Variants in COG4 observed in about 807,000 individuals in gnomAD.
COG4 encodes the protein component of oligomeric golgi complex 4, also known as conserved oligomeric Golgi complex subunit 4.
A neutral mutation model predicts 95.1 loss-of-function variants in COG4; 65 were observed. That is an observed-to-expected ratio of 0.68 (90% CI 0.56 to 0.84). The LOEUF is 0.84. Among genes scored for constraint, COG4 ranks in the 40% least tolerant of loss-of-function variants. The pLI is 0.00. For missense variants in COG4, 1,045 were observed against 989.1 expected, an observed-to-expected ratio of 1.06 and a Z score of -0.76; for synonymous variants, 421 against 374.8, an observed-to-expected ratio of 1.12 and a Z score of -1.42.
chr16:70,481,452 C>T lies in COG4; in HGVS notation c.2142G>A (p.Ser714=), dbSNP rs11054. 721,462 of 1,612,166 alleles carry T rather than the reference C, an allele frequency of 0.45. 164,909 individuals carry two copies. Among genetic ancestry groups the T allele is most frequent in the African/African-American group, 0.51 (38,346 of 74,856 alleles). The change falls in exon 18 of 19, where the codon TCG becomes TCA. Residue 714 remains serine (S), a synonymous_variant. Transcript: ENST00000323786. ...GGLQFDKELR[S]LIAYLTTVTT... is the part of the protein sequence containing the mutation. Reference sequence around the variant, plus strand: ...TCACCGTGGTAAGGTAGGCAATGAGCGACCTCAGCTCCTTGTCAAACTGCA... The same window carrying T: ...TCACCGTGGTAAGGTAGGCAATGAGTGACCTCAGCTCCTTGTCAAACTGCA...
At chr16:70,486,187 G>A (rs569457727) in intron 13 of COG4, among the ~76,000 whole-genome samples, 38 of 152,256 alleles carry the variant, frequency 2.5e-4, no homozygotes, top group South Asian at 1.2e-3. Flanking sequence ...GAGCCACCGC[G>A]CCCAGCCCAG....
At chr16:70,505,519 CA>C (rs2049545743) in intron 8 of COG4, among the ~76,000 whole-genome samples, 1 of 150,088 alleles carries the variant, frequency 6.7e-6, no homozygotes, top group African/African-American at 2.4e-5. Context: ...TTCTAAGAAG[CA>C]CATGTTATTT....
chr16:70,502,103 G>A (rs1374107365), intron 8 of COG4, among the ~76,000 whole-genome samples: 4 of 150,174 alleles, frequency 2.7e-5, no homozygotes, highest in East Asian at 2.0e-4. Flanking sequence ...CCAACATGGT[G>A]AAACCCCATT....
At chr16:70,515,946 G>A in intron 3 of COG4, 3 of 455,022 alleles carry the variant, frequency 6.6e-6, no homozygotes, top group South Asian at 4.7e-5. Flanking sequence ...TAGGATTGCA[G>A]GCATGAGCCA....
At chr16:70,489,860 C>T (rs1268060514) in intron 13 of COG4, among the ~76,000 whole-genome samples, 1 of 152,154 alleles carries the variant, frequency 6.6e-6, no homozygotes, top group Non-Finnish European at 1.5e-5. Flanking sequence ...CTCTGTCGCC[C>T]AGGCTGGAGT....
Position 70,482,178 on chromosome 16 carries a change from G to T in COG4, c.1921-3C>A. The T allele has an allele frequency of 6.2e-7, 1 of 1,606,726 alleles. No individual in the cohort carries two copies. The highest frequency in any genetic ancestry group is 8.5e-7 in the Non-Finnish European group (1 of 1,173,286). On this transcript the variant is annotated splice_region_variant and splice_polypyrimidine_tract_variant and intron_variant, in intron 15 of 18. Transcript: ENST00000323786. ...GCCTCATAGTCATTGAATTCTTCCT[G>T]TTGTCAGGAAGCAGGGCTGGTCACC... is the stretch of plus-strand genomic sequence containing the variant.
In COG4 at chr16:70,519,651, C is replaced by T; in HGVS notation, c.252G>A (p.Met84Ile). 1.9e-6 allele frequency: 3 copies of T among 1,611,490 alleles called. No homozygotes were observed. Among genetic ancestry groups the T allele is most frequent in the Non-Finnish European group, 2.5e-6 (3 of 1,177,762 alleles). Residue 84 changes from methionine to isoleucine, a missense_variant and splice_region_variant, in exon 2 of 19, where the codon ATG becomes ATA. Met to Ile is a conservative substitution (Grantham distance 10, BLOSUM62 1). Coordinates refer to ENST00000323786, the MANE Select transcript of COG4 (RefSeq NM_015386.3). ...IESKMVTLHR[M>I]GPNLQLIEGD... ...CTTGCTGAGATGCACAGACTCACCC[C>T]ATTCGGTGGAGAGTGACCATCTTAC... is the stretch of plus-strand genomic sequence containing the variant.
intron 1 of COG4, chr16:70,523,095 C>G: frequency 2.0e-6 from 1 of 509,404 alleles, no homozygotes; most frequent in Non-Finnish European, 3.5e-6. Context: ...ACTTTACTCC[C>G]GTGGAGAAAC....
At chr16:70,482,298 C>A in intron 15 of COG4, 123 bp from the exon 16 acceptor site, 1 of 757,358 alleles carries the variant, frequency 1.3e-6, no homozygotes. Context: ...CCTTCTGACT[C>A]ATCTAGTTTA....
rs1305974506 is a variant in COG4, at chr16:70,488,733, T to C, written c.1710+1597A>G. ...CAGCTAATTTTTTTTGTATTTTTAG[T>C]AGAGACAGGGTTTCATCATGTTGGC... On this transcript the variant is annotated intron_variant, in intron 13 of 18. Coordinates refer to ENST00000323786, the MANE Select transcript of COG4 (RefSeq NM_015386.3). Among the ~76,000 whole-genome samples the C allele has an allele frequency of 2.6e-4, 40 of 151,986 alleles. 1 individual carries two copies. Among genetic ancestry groups the C allele is most frequent in the Non-Finnish European group, 4.4e-5 (3 of 68,008 alleles).
chr16:70,500,136 T>C (rs2049418493), intron 9 of COG4, among the ~76,000 whole-genome samples: 1 of 151,592 alleles, frequency 6.6e-6, no homozygotes, highest in South Asian at 2.1e-4. Flanking sequence ...CCAGTCAAAA[T>C]TTTTATCTTT....
At chr16:70,498,253 T>C (rs760692078) in intron 9 of COG4, among the ~76,000 whole-genome samples, 198 bp from the exon 10 acceptor site, 14 of 151,756 alleles carry the variant, frequency 9.2e-5, no homozygotes, top group Non-Finnish European at 1.6e-4. Flanking sequence ...TGTTTTCACC[T>C]ACCTTATTTT....
Position 70,523,286 on chromosome 16 carries a change from G to C in COG4, c.171+87C>G. The C allele has an allele frequency of 2.6e-6, 4 of 1,512,246 alleles. No homozygotes were observed. The South Asian group carries it at 4.5e-5, about 17-fold the overall frequency. 93.7% of individuals were successfully genotyped at this position (1,512,246 alleles called of 1,614,324 possible). ...CCGCTTTTTTGTATCCCCCAGCAAG[G>C]AGAGTTTCCCACAGCCCGGATTTCC... On this transcript the variant is annotated intron_variant, in intron 1 of 18. Transcript: ENST00000323786.
At chr16:70,483,036 TC>T (rs1351009710) in intron 14 of COG4, among the ~76,000 whole-genome samples, 2 of 67,686 alleles carry the variant, frequency 3.0e-5, no homozygotes, top group South Asian at 8.9e-4. Context: ...CCCCACCCCT[TC>T]CCTCTCCTCT....
At chr16:70,499,620 A>T (rs982621383) in intron 9 of COG4, among the ~76,000 whole-genome samples, 3 of 152,160 alleles carry the variant, frequency 2.0e-5, no homozygotes, top group Admixed American at 6.5e-5. Context: ...AAACCTAGCG[A>T]GTCAATCTGT....
At chr16:70,482,929 C>G in intron 14 of COG4, 108 bp from the exon 15 acceptor site, 5 of 807,406 alleles carry the variant, frequency 6.2e-6, no homozygotes, top group Non-Finnish European at 6.3e-6. Context: ...CCTTTCCTCT[C>G]CTCTCCCCAT....
At position 70,489,974 on chromosome 16, in the gene COG4, T is replaced by G. The variant is rs1025032395; in HGVS notation, c.1710+356A>C. On this transcript the variant is annotated intron_variant, in intron 13 of 18. Transcript: ENST00000323786. The stretch of plus-strand genomic sequence containing the variant: ...CTGGGATTACAGGTGTCTGCCACCA[T>G]GCCCAGCTAATTTTTGTATTTTTAG... Among the ~76,000 whole-genome samples the G allele has an allele frequency of 4.6e-5, 7 of 152,082 alleles. No individual in the cohort carries two copies. The East Asian group carries it at 1.2e-3, about 25-fold the overall frequency.
chr16:70,482,816 C>A lies in COG4; in HGVS notation c.1833G>T (p.Gly611=). ...TGGCTGTGCTGTTGAGCTCCGTCAG[C>A]CCTTCCTGCACAAGGACAAGGTGGA... ...SNKFRDLLQE[G]LTELNSTAIK... is the part of the protein sequence containing the mutation. The change falls in exon 15 of 19, where the codon GGG becomes GGT. Residue 611 remains glycine (G), a synonymous_variant. Transcript: ENST00000323786. 1 of 1,613,442 alleles carries A rather than the reference C, an allele frequency of 6.2e-7. No individual in the cohort carries two copies. The highest frequency in any genetic ancestry group is 8.5e-7 in the Non-Finnish European group (1 of 1,179,634).
At chr16:70,502,139 G>C (rs990248366) in intron 8 of COG4, among the ~76,000 whole-genome samples, 2 of 151,080 alleles carry the variant, frequency 1.3e-5, no homozygotes, top group African/African-American at 2.4e-5. Flanking sequence ...AAAATTAGCT[G>C]GGTGTGGTGG....
Sources: allele counts gnomAD v4.1 joint callset (sites outside exome capture counted in the v4.1 genomes callset), GRCh38; gene constraint gnomAD v4.1.1; transcripts MANE v1.5; gene names NCBI Gene and HGNC (gene_info 2026-07-23, HGNC 2026-07-21).